Variants in PRELID2 observed in about 807,000 individuals in gnomAD.
PRELID2 encodes the protein PRELI domain-containing protein 2.
Under a neutral mutation model 28.4 loss-of-function variants are expected in PRELID2, and 25 were observed. That is an observed-to-expected ratio of 0.88 (90% confidence interval 0.64 to 1.23). PRELID2 has a LOEUF of 1.23. PRELID2 is among the 50% of genes most tolerant of loss of function. PRELID2 has a pLI of 0.00. For synonymous variants in PRELID2, 76 were observed against 71.6 expected, an observed-to-expected ratio of 1.06 and a Z score of -0.31; for missense variants, 201 against 214.4, an observed-to-expected ratio of 0.94 and a Z score of 0.39.
intron 1 of PRELID2, among the ~76,000 whole-genome samples, chr5:145,519,081 C>T (rs770922191): frequency 1.3e-5 from 2 of 152,132 alleles, no homozygotes; most frequent in Admixed American, 6.5e-5. Context: ...CCCTCAGCAC[C>T]AAGACTTCTC....
chr5:145,829,406 T>C (rs1339418112), intron 1 of PRELID2, among the ~76,000 whole-genome samples: 1 of 152,194 alleles, frequency 6.6e-6, no homozygotes, highest in Non-Finnish European at 1.5e-5. Flanking sequence ...TTCAGGTTCA[T>C]GAAATAAATG....
chr5:145,720,066 TA>T (rs1755946438), intron 1 of PRELID2, among the ~76,000 whole-genome samples: 1 of 150,696 alleles, frequency 6.6e-6, no homozygotes, highest in Admixed American at 6.6e-5. Flanking sequence ...ACAATAAAAA[TA>T]AAACATTAAA....
rs112736603 is a variant in PRELID2, at chr5:145,832,525, G to A, written c.75+2652C>T. Reference sequence around the variant, plus strand: ...GAAACCCTGTATTACCTCAATAATCGTTGAAGTGCCTATTATATGCAATGC... The same window carrying A: ...GAAACCCTGTATTACCTCAATAATCATTGAAGTGCCTATTATATGCAATGC... On this transcript the variant is annotated intron_variant, in intron 1 of 6. Coordinates refer to ENST00000683046, the MANE Select transcript of PRELID2 (RefSeq NM_205846.3). Among the ~76,000 whole-genome samples, 15 of 152,154 alleles carry A rather than the reference G, an allele frequency of 9.9e-5. 1 individual carries two copies. The highest frequency in any genetic ancestry group is 4.2e-4 in the South Asian group (2 of 4,814).
chr5:145,687,355 A>T (rs1218528038), intron 1 of PRELID2, among the ~76,000 whole-genome samples: 1 of 152,210 alleles, frequency 6.6e-6, no homozygotes, highest in East Asian at 1.9e-4. Flanking sequence ...TCAAAAGACA[A>T]TCAGACAAAC....
intron 1 of PRELID2, among the ~76,000 whole-genome samples, chr5:145,638,848 T>C (rs946812688): frequency 5.3e-5 from 8 of 152,264 alleles, no homozygotes; most frequent in Non-Finnish European, 1.0e-4. Flanking sequence ...TGGCGTGTTG[T>C]CCTATCTTGT....
chr5:145,754,858 A>C (rs946120375), downstream of PRELID2, among the ~76,000 whole-genome samples: 9 of 152,216 alleles, frequency 5.9e-5, no homozygotes, highest in African/African-American at 2.2e-4. Flanking sequence ...TTTGTGCCCC[A>C]GTTGAAGAGG....
chr5:145,311,051 T>C, the PRELID2 span, among the ~76,000 whole-genome samples: 1 of 152,192 alleles, frequency 6.6e-6, no homozygotes, highest in African/African-American at 2.4e-5. Context: ...GATGTATAAG[T>C]AAAATCGGGC....
chr5:145,304,478 C>T, the PRELID2 span, among the ~76,000 whole-genome samples: 6 of 152,190 alleles, frequency 3.9e-5, no homozygotes, highest in Non-Finnish European at 5.9e-5. Flanking sequence ...AAGTTAAACA[C>T]TTCATTTCTG....
intron 1 of PRELID2, among the ~76,000 whole-genome samples, chr5:145,721,633 C>T (rs1409629106): frequency 6.6e-6 from 1 of 152,020 alleles, no homozygotes; most frequent in African/African-American, 2.4e-5. Flanking sequence ...TGTGGATTGG[C>T]TTAACTCATC....
chr5:145,600,440 T>A (rs967050083), intron 1 of PRELID2, among the ~76,000 whole-genome samples: 4 of 140,670 alleles, frequency 2.8e-5, no homozygotes, highest in African/African-American at 1.2e-4. Flanking sequence ...AAAAAATATA[T>A]ATATATATAT....
At chr5:145,610,926 C>G (rs1753604256) in intron 1 of PRELID2, among the ~76,000 whole-genome samples, 1 of 150,130 alleles carries the variant, frequency 6.7e-6, no homozygotes. Flanking sequence ...TAGCAGTGAA[C>G]AAAAGACCCT....
chr5:145,572,833 T>C (rs1753026065), intron 1 of PRELID2, among the ~76,000 whole-genome samples: 1 of 152,168 alleles, frequency 6.6e-6, no homozygotes, highest in Non-Finnish European at 1.5e-5. Context: ...TGGTTCTTCG[T>C]CTTCACTGAG....
intron 1 of PRELID2, among the ~76,000 whole-genome samples, chr5:145,634,042 C>T (rs1753968379): frequency 6.6e-6 from 1 of 152,150 alleles, no homozygotes; most frequent in South Asian, 2.1e-4. Flanking sequence ...CTCCCACAGG[C>T]AACCAAGTAC....
the PRELID2 span, among the ~76,000 whole-genome samples, chr5:145,440,447 T>C: frequency 5.3e-5 from 8 of 152,228 alleles, no homozygotes; most frequent in East Asian, 3.9e-4. Flanking sequence ...TAATAGCCAA[T>C]GTGCCTTTTA....
chr5:145,240,151 T>C, the PRELID2 span, among the ~76,000 whole-genome samples: 1 of 151,998 alleles, frequency 6.6e-6, no homozygotes, highest in African/African-American at 2.4e-5. Context: ...TGACGTTTTA[T>C]GGCATTTATA....
chr5:145,713,442 A>G (rs1347896875), intron 1 of PRELID2, among the ~76,000 whole-genome samples: 1 of 144,786 alleles, frequency 6.9e-6, no homozygotes, highest in African/African-American at 2.5e-5. Context: ...TTATATATAT[A>G]CATATATATG....
chr5:145,493,997 A>G (rs1400571164), intron 1 of PRELID2, among the ~76,000 whole-genome samples: 1 of 152,194 alleles, frequency 6.6e-6, no homozygotes, highest in Non-Finnish European at 1.5e-5. Flanking sequence ...AAACTTCGTA[A>G]GTCGCTTGTT....
At position 145,817,212 on chromosome 5, in the gene PRELID2, TAAAA is replaced by T. The variant is rs200034950; in HGVS notation, c.368+678_368+681del. On this transcript the variant is annotated intron_variant, in intron 4 of 6. Coordinates refer to ENST00000683046, the MANE Select transcript of PRELID2 (RefSeq NM_205846.3). ...TTTCAAAAAAAAATAAATAAATAAA[TAAAA>T]AAAAATATATATATATATATACTTT... Among the ~76,000 whole-genome samples, 255 of 72,734 alleles carry T rather than the reference TAAAA, an allele frequency of 3.5e-3. 8 individuals carry two copies. Among genetic ancestry groups the T allele is most frequent in the South Asian group, 0.01 (20 of 1,982 alleles). 47.7% of individuals were successfully genotyped at this position (72,734 alleles called of 152,430 possible).
At chr5:145,800,052 G>A (rs779145436) in intron 4 of PRELID2, among the ~76,000 whole-genome samples, 22 of 151,942 alleles carry the variant, frequency 1.4e-4, no homozygotes, top group East Asian at 3.9e-4. Context: ...TGAGAGCCAC[G>A]TCTCCTGTAT....
Sources: allele counts gnomAD v4.1 joint callset (sites outside exome capture counted in the v4.1 genomes callset), GRCh38; gene constraint gnomAD v4.1.1; transcripts MANE v1.5; gene names NCBI Gene and HGNC (gene_info 2026-07-23, HGNC 2026-07-21).